PRKG1: variants seen among roughly 807,000 people sequenced by gnomAD.
PRKG1 encodes cGMP-dependent protein kinase 1.
In PRKG1, 35 loss-of-function variants were observed where a neutral mutation model predicts 88.1. The observed-to-expected ratio is 0.40, with a 90% CI of 0.30 to 0.53. PRKG1 has a LOEUF of 0.53. Among genes scored for constraint, PRKG1 ranks in the 20% least tolerant of loss-of-function variants. The pLI is 0.59. For synonymous variants in PRKG1, 303 were observed against 292.5 expected (o/e 1.04, Z -0.37); for missense variants, 540 against 839.8 (o/e 0.64, Z 4.41).
rs575484259 is a variant in PRKG1 at position 51,396,521 on chromosome 10, A to G, written c.479-71202A>G. Reference sequence around the variant, plus strand: ...TTAAAACATGTTGCCCTGGACAATGAAAAGCAGTTTTCCTTAGAAGAAACT... The same window carrying G: ...TTAAAACATGTTGCCCTGGACAATGGAAAGCAGTTTTCCTTAGAAGAAACT... On this transcript the variant is annotated intron_variant, in intron 2 of 17. Transcript: ENST00000373980. Among the ~76,000 whole-genome samples, 38 of 152,324 alleles carry G rather than the reference A, an allele frequency of 2.5e-4. No homozygotes were observed. In the East Asian group the frequency reaches 6.0e-3, roughly 24 times the overall value.
At chr10:51,541,258 C>T (rs1842294084) in intron 3 of PRKG1, among the ~76,000 whole-genome samples, 1 of 152,172 alleles carries the variant, frequency 6.6e-6, no homozygotes, top group Admixed American at 6.6e-5. Flanking sequence ...CTATAAGAAT[C>T]CCATGCCACT....
intron 1 of PRKG1, among the ~76,000 whole-genome samples, chr10:51,080,027 T>A (rs190554024): frequency 6.6e-6 from 1 of 152,348 alleles, no homozygotes; most frequent in East Asian, 1.9e-4. Flanking sequence ...GAAAGTCATC[T>A]TTCTTGTTTT....
intron 5 of PRKG1, chr10:51,908,734 A>ATATATATTTTTTTT (rs563212069): frequency 2.7e-4 from 14 of 52,232 alleles, no homozygotes; most frequent in South Asian, 4.7e-4. Flanking sequence ...TCTATATGTA[A>ATATATATTTTTTTT]TTTTTTTTTT....
chr10:52,056,614 A>G (rs1264353780), intron 6 of PRKG1, among the ~76,000 whole-genome samples: 3 of 152,186 alleles, frequency 2.0e-5, no homozygotes, highest in Non-Finnish European at 4.4e-5. Flanking sequence ...GGAGGGAAGT[A>G]GTACTAATAT....
Position 51,030,071 on chromosome 10 carries a change from A to C in PRKG1, c.266+38427A>C, listed in dbSNP as rs910001344. 7.2e-5 allele frequency among the ~76,000 whole-genome samples: 11 copies of C among 152,164 alleles called. No individual in the cohort carries two copies. The East Asian group carries it at 2.1e-3, about 29-fold the overall frequency. The stretch of plus-strand genomic sequence containing the variant: ...TGTTAGAGAAACAGAAATTCAAGTC[A>C]TTCCATGCATTTTAGTATACTTCTA... On this transcript the variant is annotated intron_variant, in intron 1 of 17. Transcript: ENST00000401604.
intron 2 of PRKG1, among the ~76,000 whole-genome samples, chr10:51,443,611 G>T (rs569453851): frequency 6.6e-6 from 1 of 152,030 alleles, no homozygotes; most frequent in Non-Finnish European, 1.5e-5. Context: ...TTTCCCTTCA[G>T]CCCTCACTCC....
intron 10 of PRKG1, chr10:52,252,956 T>C (rs1228021879): frequency 6.6e-6 from 1 of 152,102 alleles, no homozygotes; most frequent in Non-Finnish European, 1.5e-5. Context: ...CAAATCATAA[T>C]TGTCTGTATA....
At chr10:52,135,061 T>C (rs1176407265) in intron 8 of PRKG1, among the ~76,000 whole-genome samples, 1 of 152,106 alleles carries the variant, frequency 6.6e-6, no homozygotes, top group East Asian at 1.9e-4. Context: ...TTTTAAGAGT[T>C]AGCGTCTAAT....
intron 4 of PRKG1, among the ~76,000 whole-genome samples, chr10:51,904,234 TA>T (rs1322175821): frequency 2.6e-5 from 4 of 152,128 alleles, no homozygotes; most frequent in Admixed American, 6.6e-5. Context: ...TACAATAAAT[TA>T]TTTTTTTTTG....
At chr10:51,976,425 A>T (rs74132871) in intron 5 of PRKG1, among the ~76,000 whole-genome samples, 13,448 of 152,088 alleles carry the variant, frequency 0.088, 1,745 homozygotes, top group African/African-American at 0.28. Flanking sequence ...AAGCATAAAA[A>T]GGAATGAAGT....
At position 51,641,599 on chromosome 10, in the gene PRKG1, G is replaced by A. The variant is rs949009331; in HGVS notation, c.593-162986G>A. Among the ~76,000 whole-genome samples the A allele has an allele frequency of 2.0e-5, 3 of 151,920 alleles. No individual in the cohort carries two copies. The South Asian group carries it at 6.2e-4, about 31-fold the overall frequency. ...TGGAGGCAATGGGCATTCTTTCTTA[G>A]GCAACGTCCAAGTGATCGTCTATTA... On this transcript the variant is annotated intron_variant, in intron 3 of 17. Coordinates refer to ENST00000373980, the MANE Select transcript of PRKG1 (RefSeq NM_006258.4).
chr10:51,560,775 A>G (rs1258867174), intron 3 of PRKG1, among the ~76,000 whole-genome samples: 1 of 152,104 alleles, frequency 6.6e-6, no homozygotes, highest in Non-Finnish European at 1.5e-5. Context: ...ATAGCATGCC[A>G]TATTAATTCG....
At chr10:51,485,457 GA>G (rs1406059191) in intron 3 of PRKG1, among the ~76,000 whole-genome samples, 1 of 152,136 alleles carries the variant, frequency 6.6e-6, no homozygotes, top group African/African-American at 2.4e-5. Flanking sequence ...GAAATAATTA[GA>G]TAGCTTTGTA....
chr10:52,227,573 A>G (rs1034465405), intron 9 of PRKG1, among the ~76,000 whole-genome samples: 1 of 152,144 alleles, frequency 6.6e-6, no homozygotes, highest in African/African-American at 2.4e-5. Flanking sequence ...ACCATTTTAT[A>G]TCAGGGACTT....
intron 5 of PRKG1, among the ~76,000 whole-genome samples, chr10:51,968,537 A>C (rs1158024556): frequency 1.3e-5 from 2 of 152,016 alleles, no homozygotes; most frequent in African/African-American, 4.8e-5. Flanking sequence ...AATAGTAATA[A>C]TTAGACCAGG....
At chr10:52,213,358 G>T (rs995709473) in intron 9 of PRKG1, among the ~76,000 whole-genome samples, 3 of 152,064 alleles carry the variant, frequency 2.0e-5, no homozygotes, top group Admixed American at 6.6e-5. Context: ...TTTAAGACTC[G>T]TCATGGAAAC....
intron 3 of PRKG1, among the ~76,000 whole-genome samples, chr10:51,723,863 G>A (rs2132456550): frequency 6.6e-6 from 1 of 152,262 alleles, no homozygotes; most frequent in East Asian, 1.9e-4. Flanking sequence ...CATGTTAGGT[G>A]AAACTATTAT....
chr10:51,664,485 T>C (rs893977230), intron 3 of PRKG1, among the ~76,000 whole-genome samples: 1 of 152,122 alleles, frequency 6.6e-6, no homozygotes, highest in Non-Finnish European at 1.5e-5. Flanking sequence ...AGAACATAAG[T>C]CTCTTAGAAA....
chr10:51,487,273 A>G (rs979817875), intron 3 of PRKG1, among the ~76,000 whole-genome samples: 8 of 152,190 alleles, frequency 5.3e-5, no homozygotes, highest in Non-Finnish European at 1.0e-4. Flanking sequence ...ATGAATATTA[A>G]TCTGACATAT....
Sources: gnomAD v4.1 joint callset for allele counts (sites outside exome capture counted in the v4.1 genomes callset) on GRCh38, gnomAD v4.1.1 for gene constraint, MANE v1.5 for transcripts, NCBI Gene and HGNC (gene_info 2026-07-23, HGNC 2026-07-21) for gene names.